Variants in SCN10A observed in about 807,000 individuals in gnomAD.
SCN10A encodes sodium channel protein type 10 subunit alpha.
In SCN10A, 162 loss-of-function variants were observed where a neutral mutation model predicts 170.7. The ratio of observed to expected loss-of-function variants is 0.95; its 90% CI spans 0.84 to 1.08. The LOEUF (loss-of-function observed/expected upper bound fraction) is 1.08. SCN10A is among the 50% of genes least tolerant of loss of function. The pLI is 0.00. For synonymous variants in SCN10A, 985 were observed against 904.6 expected (o/e 1.09, Z -1.59); for missense variants, 2,527 against 2,436.9 (o/e 1.04, Z -0.78).
rs76290694 is a variant in SCN10A, at chr3:38,711,955, T to C, written c.4089+206A>G. On this transcript the variant is annotated intron_variant, in intron 23 of 27. Transcript: ENST00000449082. ...TTTATGCTATTCTACTAGCCCACACTTGTGTAATTGCACCACTGTGATATC... is the reference window on the plus strand; with the variant it reads ...TTTATGCTATTCTACTAGCCCACACCTGTGTAATTGCACCACTGTGATATC... Among the ~76,000 whole-genome samples the C allele has an allele frequency of 0.013, 2,029 of 152,290 alleles. 42 individuals carry two copies. The highest frequency in any genetic ancestry group is 0.046 in the African/African-American group (1,922 of 41,552).
intron 21 of SCN10A, among the ~76,000 whole-genome samples, chr3:38,717,364 C>T (rs2063343900): frequency 6.6e-6 from 1 of 152,216 alleles, no homozygotes; most frequent in South Asian, 2.1e-4. Flanking sequence ...GAAATGAGTG[C>T]ATGACCGTTT....
chr3:38,702,785 G>A (rs1007195457), intron 26 of SCN10A, among the ~76,000 whole-genome samples: 1 of 152,190 alleles, frequency 6.6e-6, no homozygotes, highest in African/African-American at 2.4e-5. Flanking sequence ...GTCAAGTCTT[G>A]GTTGTTTGCA....
intron 23 of SCN10A, 109 bp from the exon 24 acceptor site, chr3:38,711,006 G>T: frequency 1.2e-6 from 1 of 858,104 alleles, no homozygotes; most frequent in South Asian, 1.6e-5. Context: ...TGTTGGAAAG[G>T]GCTTGTGCAG....
chr3:38,708,527 G>T (rs1007927120), intron 25 of SCN10A, among the ~76,000 whole-genome samples: 1 of 152,186 alleles, frequency 6.6e-6, no homozygotes, highest in Non-Finnish European at 1.5e-5. Flanking sequence ...TAAGTGGAAT[G>T]CCTGCCCTAG....
chr3:38,773,019 G>A (rs114543527), intron 4 of SCN10A, among the ~76,000 whole-genome samples: 4,509 of 152,214 alleles, frequency 0.03, 99 homozygotes, highest in African/African-American at 0.059. Flanking sequence ...TTGACTAATA[G>A]GAGGTCTAGA....
chr3:38,795,526 T>G (rs1575185699), intron 1 of SCN10A, among the ~76,000 whole-genome samples: 2 of 151,938 alleles, frequency 1.3e-5, no homozygotes, highest in South Asian at 2.1e-4. Context: ...AATTTTTTTG[T>G]AGGCAGTGTA....
chr3:38,711,738 C>T (rs1042687507), intron 23 of SCN10A, among the ~76,000 whole-genome samples: 1 of 152,176 alleles, frequency 6.6e-6, no homozygotes, highest in Non-Finnish European at 1.5e-5. Flanking sequence ...GAAAGAAAGA[C>T]AGGATGAATG....
At position 38,771,350 on chromosome 3, in the gene SCN10A, T is replaced by A. The variant is rs1456021086; in HGVS notation, c.528A>T (p.Gly176=). Residue 176 remains glycine (G), a synonymous_variant, in exon 5 of 28, where the codon GGA becomes GGT. Coordinates refer to ENST00000449082, the MANE Select transcript of SCN10A (RefSeq NM_006514.4). ...FEALIKILAR[G]FCLNEFTYLR... is the part of the protein sequence containing the mutation. ...GGTACGTGAACTCATTTAGACAAAA[T>A]CCTCTTGCCAGTATCTTTATCAAGG... The A allele has an allele frequency of 6.2e-7, 1 of 1,614,096 alleles. No individual in the cohort carries two copies. The highest frequency in any genetic ancestry group is 1.1e-5 in the South Asian group (1 of 91,070).
chr3:38,773,823 G>A (rs1252859400), intron 4 of SCN10A, among the ~76,000 whole-genome samples: 1 of 152,164 alleles, frequency 6.6e-6, no homozygotes, highest in Non-Finnish European at 1.5e-5. Context: ...GAGGAAATGA[G>A]TTTGTGGATG....
Position 38,739,658 on chromosome 3 carries a change from C to A in SCN10A, c.2137G>T (p.Val713Phe). The A allele has an allele frequency of 6.2e-7, 1 of 1,613,986 alleles. No individual in the cohort carries two copies. The highest frequency in any genetic ancestry group is 8.5e-7 in the Non-Finnish European group (1 of 1,179,924). The change falls in exon 15 of 28, where the codon GTC becomes TTC. Residue 713 changes from valine to phenylalanine, a missense_variant. Coordinates refer to ENST00000449082, the MANE Select transcript of SCN10A (RefSeq NM_006514.4). The part of the protein sequence containing the change: ...VFTIFFTAEM[V>F]FKIIAFDPYY... The stretch of plus-strand genomic sequence containing the variant: ...GGGTCGAAGGCAATGATTTTGAAGA[C>A]CATTTCAGCAGTAAAAAATATGGTA...
chr3:38,719,639 C>T (rs1310054836), intron 20 of SCN10A, among the ~76,000 whole-genome samples: 8 of 151,506 alleles, frequency 5.3e-5, no homozygotes, highest in African/African-American at 1.5e-4. Context: ...ATGATCCGCC[C>T]GCCTCAGCCT....
intron 1 of SCN10A, among the ~76,000 whole-genome samples, chr3:38,814,438 T>G (rs2064459465): frequency 6.6e-6 from 1 of 152,206 alleles, no homozygotes; most frequent in Non-Finnish European, 1.5e-5. Context: ...AGAGCCTTCT[T>G]GACTTGATTG....
chr3:38,741,810 T>A (rs2063635560), intron 14 of SCN10A, among the ~76,000 whole-genome samples: 1 of 152,206 alleles, frequency 6.6e-6, no homozygotes, highest in Non-Finnish European at 1.5e-5. Flanking sequence ...TGTCTTCCCC[T>A]TCCCTCCCCA....
intron 1 of SCN10A, among the ~76,000 whole-genome samples, chr3:38,801,835 G>T (rs145252458): frequency 5.9e-4 from 90 of 152,274 alleles, no homozygotes; most frequent in African/African-American, 2.0e-3. Flanking sequence ...TCCCGTGGTT[G>T]CTCTTATCTA....
chr3:38,775,919 A>C (rs1480221662), intron 4 of SCN10A, among the ~76,000 whole-genome samples: 1 of 151,872 alleles, frequency 6.6e-6, no homozygotes, highest in Non-Finnish European at 1.5e-5. Context: ...ATGAATGATG[A>C]CTCTATAGTT....
chr3:38,769,591 T>C (rs536872363), intron 5 of SCN10A, among the ~76,000 whole-genome samples: 4 of 152,274 alleles, frequency 2.6e-5, no homozygotes, highest in African/African-American at 9.6e-5. Context: ...TTGGATCCAT[T>C]GTTGGGGAGC....
chr3:38,813,513 G>A (rs1018424766), intron 1 of SCN10A, among the ~76,000 whole-genome samples: 7 of 152,252 alleles, frequency 4.6e-5, no homozygotes, highest in African/African-American at 1.2e-4. Flanking sequence ...ATTTACAGTC[G>A]TCTTGTGACA....
chr3:38,747,247 A>G (rs80006519), intron 13 of SCN10A, among the ~76,000 whole-genome samples: 2 of 151,984 alleles, frequency 1.3e-5, no homozygotes, highest in Non-Finnish European at 2.9e-5. Flanking sequence ...CCTATTACTT[A>G]TTTTCTTCCT....
intron 27 of SCN10A, among the ~76,000 whole-genome samples, chr3:38,700,078 C>G (rs2063141054): frequency 6.6e-6 from 1 of 152,008 alleles, no homozygotes; most frequent in African/African-American, 2.4e-5. Context: ...ATCAAAATAG[C>G]CTTTGGAATC....
Sources: allele counts gnomAD v4.1 joint callset (sites outside exome capture counted in the v4.1 genomes callset), GRCh38; gene constraint gnomAD v4.1.1; transcripts MANE v1.5; gene names NCBI Gene and HGNC (gene_info 2026-07-23, HGNC 2026-07-21).